The following ADGRL3 variants were observed in gnomAD, a reference collection of about 807,000 sequenced individuals.
ADGRL3 encodes the protein calcium-independent alpha-latrotoxin receptor 3.
Under a neutral mutation model 153.5 loss-of-function variants are expected in ADGRL3, and 62 were observed. That is an observed-to-expected ratio of 0.40 (90% CI 0.33 to 0.50). ADGRL3 has a LOEUF of 0.50. Ranked by LOEUF, ADGRL3 falls within the 20% of genes least tolerant of loss-of-function variation. ADGRL3 has a pLI of 0.47. For missense variants in ADGRL3, 1,641 were observed against 1,859.4 expected (o/e 0.88, Z 2.16); for synonymous variants, 710 against 672.5 (o/e 1.06, Z -0.86).
At chr4:61,752,850 C>A (rs1286830135) in intron 8 of ADGRL3, among the ~76,000 whole-genome samples, 1 of 152,116 alleles carries the variant, frequency 6.6e-6, no homozygotes, top group Non-Finnish European at 1.5e-5. Flanking sequence ...GGGAGGATCA[C>A]GTGAGCCTGG....
intron 1 of ADGRL3, among the ~76,000 whole-genome samples, chr4:61,230,979 A>T (rs531335169): frequency 6.6e-6 from 1 of 152,316 alleles, no homozygotes; most frequent in Non-Finnish European, 1.5e-5. Context: ...TCCAAGCAGG[A>T]CTTACTATGC....
intron 4 of ADGRL3, among the ~76,000 whole-genome samples, chr4:61,575,947 T>C (rs2098875672): frequency 6.6e-6 from 1 of 152,178 alleles, no homozygotes; most frequent in South Asian, 2.1e-4. Context: ...GTATATTTTG[T>C]GGTTGAGCTG....
intron 21 of ADGRL3, among the ~76,000 whole-genome samples, chr4:62,019,000 C>T (rs560253508): frequency 1.3e-5 from 2 of 152,234 alleles, no homozygotes; most frequent in East Asian, 3.9e-4. Context: ...CACCTGGACT[C>T]TTATCAGTGG....
intron 8 of ADGRL3, among the ~76,000 whole-genome samples, chr4:61,797,583 T>C (rs1461245532): frequency 1.3e-5 from 2 of 152,176 alleles, no homozygotes; most frequent in African/African-American, 4.8e-5. Flanking sequence ...TCAATAAATA[T>C]CATCAATGTG....
chr4:61,871,095 G>A (rs56793169), intron 9 of ADGRL3, among the ~76,000 whole-genome samples: 5,094 of 150,030 alleles, frequency 0.034, 279 homozygotes, highest in African/African-American at 0.12. Flanking sequence ...TGGCTAACAC[G>A]GTGAAACCCC....
intron 6 of ADGRL3, among the ~76,000 whole-genome samples, chr4:61,712,009 G>A (rs1272858856): frequency 1.6e-5 from 2 of 128,014 alleles, no homozygotes; most frequent in Admixed American, 8.9e-5. Flanking sequence ...GAGAGTTTTA[G>A]GAATCATTGC....
chr4:61,243,923 C>T (rs915544077), intron 1 of ADGRL3, among the ~76,000 whole-genome samples: 9 of 151,972 alleles, frequency 5.9e-5, no homozygotes, highest in Admixed American at 3.3e-4. Flanking sequence ...TACTTTACTA[C>T]TAAAAATATT....
intron 17 of ADGRL3, among the ~76,000 whole-genome samples, chr4:61,977,236 G>A (rs1348878989): frequency 2.0e-5 from 3 of 149,304 alleles, no homozygotes; most frequent in Admixed American, 6.7e-5. Context: ...TTTTTTAAAG[G>A]TGTTTCAGGT....
chr4:61,457,627 T>C lies in ADGRL3; in HGVS notation c.-173-39494T>C, dbSNP rs78690531. Among the ~76,000 whole-genome samples the C allele has an allele frequency of 3.3e-3, 502 of 152,074 alleles. 5 individuals carry two copies. Among genetic ancestry groups the C allele is most frequent in the African/African-American group, 0.011 (477 of 41,570 alleles). Reference sequence around the variant, plus strand: ...CCCTCCTGACTTGTTTCTTGTTCTTTCTGTCTGATCAAATTCAGTATATTA... The same window carrying C: ...CCCTCCTGACTTGTTTCTTGTTCTTCCTGTCTGATCAAATTCAGTATATTA... On this transcript the variant is annotated intron_variant, in intron 2 of 26. Transcript: ENST00000683033.
chr4:61,746,769 T>C (rs1275367699), intron 8 of ADGRL3, among the ~76,000 whole-genome samples: 1 of 152,050 alleles, frequency 6.6e-6, no homozygotes, highest in African/African-American at 2.4e-5. Flanking sequence ...AGATCCAAAA[T>C]TGACACCCTA....
rs1207822155 is a variant in ADGRL3 at position 61,291,583 on chromosome 4, CAT to C, written c.-240+89838_-240+89839del. Among the ~76,000 whole-genome samples, 654 of 77,526 alleles carry C rather than the reference CAT, an allele frequency of 8.4e-3. 3 individuals are homozygous for C. The highest frequency in any genetic ancestry group is 0.017 in the African/African-American group (338 of 19,836). The allele number at this position is 77,526 out of a possible 152,430, so 50.9% of individuals were successfully genotyped here. On this transcript the variant is annotated intron_variant, in intron 1 of 26. Transcript: ENST00000683033. ...ATATATATACATATATATATATATA[CAT>C]ATATATATATATATATATACACACA... is the stretch of plus-strand genomic sequence containing the variant.
At chr4:61,325,638 G>T (rs949748549) in intron 1 of ADGRL3, among the ~76,000 whole-genome samples, 2 of 152,088 alleles carry the variant, frequency 1.3e-5, no homozygotes, top group African/African-American at 4.8e-5. Flanking sequence ...CTGCCCCTGT[G>T]CATCCTATAG....
At chr4:61,616,552 A>G (rs1940982906) in intron 5 of ADGRL3, among the ~76,000 whole-genome samples, 1 of 152,172 alleles carries the variant, frequency 6.6e-6, no homozygotes, top group African/African-American at 2.4e-5. Context: ...AGATTAAAAA[A>G]CAAAACAAAA....
chr4:61,218,387 T>A (rs955488272), intron 1 of ADGRL3, among the ~76,000 whole-genome samples: 1 of 152,186 alleles, frequency 6.6e-6, no homozygotes, highest in African/African-American at 2.4e-5. Flanking sequence ...TATGGCTCAC[T>A]GCAGCCTCGA....
At chr4:61,886,877 C>A (rs1002299724) in intron 9 of ADGRL3, among the ~76,000 whole-genome samples, 3 of 151,800 alleles carry the variant, frequency 2.0e-5, no homozygotes, top group African/African-American at 7.3e-5. Flanking sequence ...AAACTCCTGA[C>A]CTCAGATGAT....
chr4:61,746,112 G>A (rs1268400526), intron 8 of ADGRL3, among the ~76,000 whole-genome samples: 1 of 152,198 alleles, frequency 6.6e-6, no homozygotes, highest in East Asian at 1.9e-4. Flanking sequence ...GACAAAGAAG[G>A]CCATTAAATA....
chr4:61,528,823 A>T (rs1487947717), intron 4 of ADGRL3, among the ~76,000 whole-genome samples: 3 of 152,142 alleles, frequency 2.0e-5, no homozygotes, highest in Non-Finnish European at 4.4e-5. Context: ...TGGTGTGCTT[A>T]CAAAGACCAG....
At chr4:61,327,341 A>G (rs1474601618) in intron 1 of ADGRL3, among the ~76,000 whole-genome samples, 1 of 145,760 alleles carries the variant, frequency 6.9e-6, no homozygotes, top group South Asian at 2.2e-4. Context: ...TTTTTTTTTT[A>G]ATTTTGCTGG....
intron 21 of ADGRL3, among the ~76,000 whole-genome samples, chr4:62,003,651 C>T (rs981017378): frequency 6.6e-6 from 1 of 152,128 alleles, no homozygotes; most frequent in East Asian, 1.9e-4. Context: ...TATGGAAATG[C>T]CCTGCTGCCT....
Sources: gnomAD v4.1 joint callset for allele counts (sites outside exome capture counted in the v4.1 genomes callset) on GRCh38, gnomAD v4.1.1 for gene constraint, MANE v1.5 for transcripts, NCBI Gene and HGNC (gene_info 2026-07-23, HGNC 2026-07-21) for gene names.